The following ST6GALNAC3 variants were observed in gnomAD, a reference collection of about 807,000 sequenced individuals.
ST6GALNAC3 encodes the protein ST6 N-acetylgalactosaminide alpha-2,6-sialyltransferase 3.
ST6GALNAC3 carries 25 observed loss-of-function variants against 32.7 expected under a neutral mutation model. That is an observed-to-expected ratio of 0.76 (90% CI 0.56 to 1.07). The LOEUF (loss-of-function observed/expected upper bound fraction) is 1.07. Among genes scored for constraint, ST6GALNAC3 ranks in the 50% least tolerant of loss-of-function variants. ST6GALNAC3 has a pLI of 0.00. For synonymous variants in ST6GALNAC3, 129 were observed against 133.1 expected, an observed-to-expected ratio of 0.97 and a Z score of 0.21; for missense variants, 355 against 382.4, an observed-to-expected ratio of 0.93 and a Z score of 0.60.
At chr1:76,366,840 G>A (rs972622648) in intron 2 of ST6GALNAC3, among the ~76,000 whole-genome samples, 1 of 152,182 alleles carries the variant, frequency 6.6e-6, no homozygotes, top group African/African-American at 2.4e-5. Flanking sequence ...AACCTCTGTG[G>A]AAATACAGTT....
chr1:76,133,697 A>T (rs1649758940), intron 1 of ST6GALNAC3, among the ~76,000 whole-genome samples: 1 of 152,246 alleles, frequency 6.6e-6, no homozygotes, highest in Non-Finnish European at 1.5e-5. Context: ...TGCAGCAGGA[A>T]GATCCAGCTG....
chr1:76,296,178 A>G (rs1015485165), intron 1 of ST6GALNAC3, among the ~76,000 whole-genome samples: 1 of 152,100 alleles, frequency 6.6e-6, no homozygotes, highest in Admixed American at 6.6e-5. Flanking sequence ...TTTCTTTAAC[A>G]TCCATGGTTG....
intron 2 of ST6GALNAC3, among the ~76,000 whole-genome samples, chr1:76,367,795 T>C (rs1169023280): frequency 2.0e-5 from 3 of 152,162 alleles, no homozygotes; most frequent in African/African-American, 7.2e-5. Context: ...ACAAAGGTCT[T>C]GGTCTCAGCA....
chr1:76,292,210 G>A (rs1263470716), intron 1 of ST6GALNAC3, among the ~76,000 whole-genome samples: 1 of 152,192 alleles, frequency 6.6e-6, no homozygotes, highest in Non-Finnish European at 1.5e-5. Flanking sequence ...ACTTCTTGAT[G>A]TTCCATCTCA....
At chr1:76,204,743 T>G (rs947917766) in intron 1 of ST6GALNAC3, among the ~76,000 whole-genome samples, 1 of 152,256 alleles carries the variant, frequency 6.6e-6, no homozygotes, top group Non-Finnish European at 1.5e-5. Flanking sequence ...TTTTAAGTTT[T>G]ATTTCCATAA....
At chr1:76,508,812 A>C (rs1661648450) in intron 3 of ST6GALNAC3, among the ~76,000 whole-genome samples, 1 of 152,194 alleles carries the variant, frequency 6.6e-6, no homozygotes, top group Non-Finnish European at 1.5e-5. Context: ...TACATTATGG[A>C]AAAGTTGAAA....
chr1:76,494,468 T>TATACACACAC (rs1472545640), intron 3 of ST6GALNAC3, among the ~76,000 whole-genome samples: 7 of 59,536 alleles, frequency 1.2e-4, no homozygotes, highest in East Asian at 8.0e-4. Context: ...TATATATATA[T>TATACACACAC]ACACACACAC....
chr1:76,567,645 A>G lies in ST6GALNAC3; in HGVS notation c.624-59807A>G, dbSNP rs188141497. 4.0e-3 allele frequency among the ~76,000 whole-genome samples: 606 copies of G among 152,344 alleles called. 2 individuals carry two copies. The highest frequency in any genetic ancestry group is 7.1e-3 in the Non-Finnish European group (480 of 68,028). ...TTAATTCCCTTGGTATTTCAGAGAT[A>G]TCCTTTGAACAGCCTAAATCAAATC... On this transcript the variant is annotated intron_variant, in intron 3 of 4. Transcript: ENST00000328299.
chr1:76,161,773 C>A (rs1311446711), intron 1 of ST6GALNAC3, among the ~76,000 whole-genome samples: 1 of 152,212 alleles, frequency 6.6e-6, no homozygotes, highest in African/African-American at 2.4e-5. Context: ...TAAAGGGACA[C>A]CCATTGATTT....
intron 3 of ST6GALNAC3, among the ~76,000 whole-genome samples, chr1:76,561,805 G>A (rs1017974549): frequency 1.3e-5 from 2 of 152,106 alleles, no homozygotes; most frequent in African/African-American, 4.8e-5. Flanking sequence ...ACTTTTACAT[G>A]CATTTTCAAA....
At chr1:76,569,563 A>G (rs1665745099) in intron 3 of ST6GALNAC3, among the ~76,000 whole-genome samples, 1 of 152,192 alleles carries the variant, frequency 6.6e-6, no homozygotes, top group Non-Finnish European at 1.5e-5. Flanking sequence ...TAGCAAGTCA[A>G]CTTTAGTAGA....
intron 2 of ST6GALNAC3, 126 bp from the exon 3 acceptor site, chr1:76,411,882 G>C (rs1404143332): frequency 9.7e-7 from 1 of 1,030,642 alleles, no homozygotes; most frequent in Non-Finnish European, 1.4e-6. Context: ...TTTGGTATTT[G>C]TAGGTACTTC....
At chr1:76,442,820 T>C (rs1656710304) in intron 3 of ST6GALNAC3, among the ~76,000 whole-genome samples, 1 of 152,218 alleles carries the variant, frequency 6.6e-6, no homozygotes, top group Non-Finnish European at 1.5e-5. Context: ...GTAATGGAAT[T>C]TAAGATTCAG....
intron 3 of ST6GALNAC3, among the ~76,000 whole-genome samples, chr1:76,620,562 C>G (rs950979120): frequency 1.3e-5 from 2 of 152,062 alleles, no homozygotes; most frequent in African/African-American, 4.8e-5. Context: ...TGGCTGCCCT[C>G]TGGCTGTGTT....
chr1:76,469,553 G>T (rs887384645), intron 3 of ST6GALNAC3, among the ~76,000 whole-genome samples: 1 of 152,068 alleles, frequency 6.6e-6, no homozygotes, highest in Non-Finnish European at 1.5e-5. Flanking sequence ...TTTGTTACTG[G>T]CTGGAACAGT....
At chr1:76,513,104 T>C (rs1270998298) in intron 3 of ST6GALNAC3, among the ~76,000 whole-genome samples, 3 of 152,170 alleles carry the variant, frequency 2.0e-5, no homozygotes, top group African/African-American at 7.2e-5. Context: ...TTGTTAATTG[T>C]TTTTCTTGCT....
intron 3 of ST6GALNAC3, among the ~76,000 whole-genome samples, chr1:76,485,053 T>C (rs922418211): frequency 3.3e-4 from 51 of 152,336 alleles, no homozygotes; most frequent in African/African-American, 1.2e-3. Context: ...AAACCAGCCT[T>C]GCATCCCAGG....
At chr1:76,473,284 G>A (rs1659153831) in intron 3 of ST6GALNAC3, among the ~76,000 whole-genome samples, 1 of 152,076 alleles carries the variant, frequency 6.6e-6, no homozygotes, top group African/African-American at 2.4e-5. Context: ...TAGCCAGAAT[G>A]TATAGTCTAA....
At chr1:76,224,653 C>T (rs1655968351) in intron 1 of ST6GALNAC3, among the ~76,000 whole-genome samples, 1 of 152,150 alleles carries the variant, frequency 6.6e-6, no homozygotes, top group Non-Finnish European at 1.5e-5. Flanking sequence ...ATTTCTGGTG[C>T]TGGAGATTGA....
Sources: allele counts gnomAD v4.1 joint callset (sites outside exome capture counted in the v4.1 genomes callset), GRCh38; gene constraint gnomAD v4.1.1; transcripts MANE v1.5; gene names NCBI Gene and HGNC (gene_info 2026-07-23, HGNC 2026-07-21).